Variants in DCAF13 observed in about 807,000 individuals in gnomAD.
DCAF13 encodes DDB1- and CUL4-associated factor 13.
A neutral mutation model predicts 59.0 loss-of-function variants in DCAF13; 38 were observed. The observed-to-expected ratio is 0.64, with a 90% CI of 0.50 to 0.84. DCAF13 has a LOEUF of 0.84. Ranked by LOEUF, DCAF13 falls within the 40% of genes least tolerant of loss-of-function variation. The probability of loss-of-function intolerance (pLI) is 0.00; values close to 1 mark genes in which losing one functional copy is unlikely to be tolerated. For synonymous variants in DCAF13, 173 were observed against 175.0 expected (o/e 0.99, Z 0.09); for missense variants, 469 against 558.4 (o/e 0.84, Z 1.61).
chr8:103,423,974 A>C (rs181097532), intron 3 of DCAF13, among the ~76,000 whole-genome samples: 36 of 151,902 alleles, frequency 2.4e-4, no homozygotes, highest in African/African-American at 8.2e-4. Context: ...TTGGGATTAC[A>C]GGCATGAGTC....
chr8:103,443,079 T>G lies in DCAF13; in HGVS notation c.*197T>G. 1 of 436,192 alleles carries G rather than the reference T, an allele frequency of 2.3e-6. No homozygotes were observed. Among genetic ancestry groups the G allele is most frequent in the South Asian group, 5.0e-5 (1 of 20,062 alleles). The allele number at this position is 436,192 out of a possible 1,614,324, so 27.0% of individuals were successfully genotyped here. On this transcript the variant is annotated 3_prime_UTR_variant, in exon 11 of 11. Transcript: ENST00000612750. ...TGGTAAGACTGTTTTATCCTTAATC[T>G]GCATTCTTCTTTCATTGTAGAATAC... is the stretch of plus-strand genomic sequence containing the variant.
At chr8:103,441,787 T>TC (rs1817014399) in intron 10 of DCAF13, 169 bp downstream of exon 10, 1 of 641,776 alleles carries the variant, frequency 1.6e-6, no homozygotes, top group Non-Finnish European at 2.5e-6. Flanking sequence ...TTTTCTTTTT[T>TC]TTTTTTTTGA....
intron 5 of DCAF13, chr8:103,428,155 T>C (rs1816818342): frequency 6.6e-6 from 1 of 152,178 alleles, no homozygotes; most frequent in South Asian, 2.1e-4. Flanking sequence ...TTGTATGATA[T>C]ACTGGAAAAT....
intron 10 of DCAF13, 172 bp from the exon 11 acceptor site, chr8:103,442,623 A>G (rs1308894148): frequency 2.1e-6 from 1 of 467,890 alleles, no homozygotes; most frequent in African/African-American, 2.0e-5. Context: ...AAGCAATTAA[A>G]TAAGTAAAGT....
At position 103,420,400 on chromosome 8, in the gene DCAF13, C is replaced by A. The variant is rs895239957; in HGVS notation, c.207C>A (p.Val69=). 2.3e-5 allele frequency: 37 copies of A among 1,613,970 alleles called. No homozygotes were observed. The highest frequency in any genetic ancestry group is 2.9e-5 in the Non-Finnish European group (34 of 1,180,024). ...LASLDGHRDG[V]NCLAKHPEKL... ...CGCTGGATGGTCACCGTGATGGAGT[C>A]AATTGCTTGGCAAAGCATCCAGAGA... is the stretch of plus-strand genomic sequence containing the variant. The change falls in exon 2 of 11, where the codon GTC becomes GTA. Residue 69 remains valine (V), a synonymous_variant. Coordinates refer to ENST00000612750, the MANE Select transcript of DCAF13 (RefSeq NM_015420.7).
chr8:103,435,995 C>T (rs1290539913), intron 8 of DCAF13, among the ~76,000 whole-genome samples: 1 of 152,136 alleles, frequency 6.6e-6, no homozygotes, highest in African/African-American at 2.4e-5. Flanking sequence ...CGAATCTGTT[C>T]AGCATGTTAC....
intron 3 of DCAF13, among the ~76,000 whole-genome samples, chr8:103,425,234 T>TA (rs1400111330): frequency 1.3e-5 from 2 of 152,230 alleles, no homozygotes; most frequent in Non-Finnish European, 2.9e-5. Flanking sequence ...TGTATGCAGT[T>TA]ATACAGTACC....
Position 103,434,561 on chromosome 8 carries a change from T to G in DCAF13, c.786-1065T>G, listed in dbSNP as rs55986900. On this transcript the variant is annotated intron_variant, in intron 7 of 10. Coordinates refer to ENST00000612750, the MANE Select transcript of DCAF13 (RefSeq NM_015420.7). ...TTGGTTAGGGTGGTGTCTGCCAGGT[T>G]TCTCCACTAAAGAGTTACTTTTTTT... 6.5e-3 allele frequency among the ~76,000 whole-genome samples: 985 copies of G among 152,200 alleles called. 7 individuals are homozygous for G. Among genetic ancestry groups the G allele is most frequent in the Non-Finnish European group, 0.011 (715 of 67,938 alleles).
rs147654325 is a variant in DCAF13 at position 103,421,864 on chromosome 8, C to T, written c.378+782C>T. 2.2e-3 allele frequency among the ~76,000 whole-genome samples: 342 copies of T among 152,320 alleles called. 5 individuals are homozygous for T. Among genetic ancestry groups the T allele is most frequent in the African/African-American group, 7.6e-3 (317 of 41,568 alleles). On this transcript the variant is annotated intron_variant, in intron 3 of 10. Transcript: ENST00000612750. Reference sequence around the variant, plus strand: ...GTCACATTTTGTTTATCCGTTCATTCATCAATGAGCATTTGATTTGTTTCC... The same window carrying T: ...GTCACATTTTGTTTATCCGTTCATTTATCAATGAGCATTTGATTTGTTTCC...
At position 103,426,138 on chromosome 8, in the gene DCAF13, T is replaced by C. The variant is rs200175003; in HGVS notation, c.461T>C (p.Leu154Ser). Residue 154 changes from leucine to serine, a missense_variant, in exon 4 of 11, where the codon TTA becomes TCA. This residue lies in a region of DCAF13 where 355 missense variants were observed against 399.1 expected (regional missense o/e 0.89). Coordinates refer to ENST00000612750, the MANE Select transcript of DCAF13 (RefSeq NM_015420.7). ...GAGGAAGAGCCATTACATACAATAT[T>C]AGGAAAGGTACAAAAGTAAATTGAC... The part of the protein sequence containing the change: ...GDEEEPLHTI[L>S]GKTVYTGIDH... 3 of 1,604,364 alleles carry C rather than the reference T, an allele frequency of 1.9e-6. No homozygotes were observed. The highest frequency in any genetic ancestry group is 1.1e-5 in the South Asian group (1 of 90,462).
chr8:103,429,939 A>G (rs1816839877), intron 5 of DCAF13: 1 of 152,198 alleles, frequency 6.6e-6, no homozygotes, highest in Non-Finnish European at 1.5e-5. Flanking sequence ...ATTTTATCCT[A>G]AGGAAATAAT....
At chr8:103,436,367 C>T (rs555808958) in intron 8 of DCAF13, among the ~76,000 whole-genome samples, 2 of 152,230 alleles carry the variant, frequency 1.3e-5, no homozygotes, top group Middle Eastern at 3.4e-3. Context: ...CAAGACCGTT[C>T]TCCCTCTATT....
intron 6 of DCAF13, among the ~76,000 whole-genome samples, chr8:103,431,409 A>C (rs1227639252): frequency 1.3e-5 from 2 of 152,244 alleles, no homozygotes; most frequent in African/African-American, 4.8e-5. Flanking sequence ...CGTAGTCCAC[A>C]TACAAAAGAA....
chr8:103,430,603 T>C lies in DCAF13; in HGVS notation c.625-9T>C. 1 of 1,608,650 alleles carries C rather than the reference T, an allele frequency of 6.2e-7. No homozygotes were observed. Among genetic ancestry groups the C allele is most frequent in the Non-Finnish European group, 8.5e-7 (1 of 1,176,342 alleles). On this transcript the variant is annotated splice_polypyrimidine_tract_variant and intron_variant, in intron 5 of 10. Transcript: ENST00000612750. ...GCTTTGAACTGGTGATTGTTATACTTGTTTTTAGACATTTCTCTTGGGAAG... is the reference window on the plus strand; with the variant it reads ...GCTTTGAACTGGTGATTGTTATACTCGTTTTTAGACATTTCTCTTGGGAAG...
intron 6 of DCAF13, among the ~76,000 whole-genome samples, chr8:103,431,889 A>G (rs1176560769): frequency 6.6e-6 from 1 of 152,124 alleles, no homozygotes; most frequent in Non-Finnish European, 1.5e-5. Context: ...AAGAAAATGT[A>G]GCCTGGCTTT....
chr8:103,420,869 G>A (rs1307498009), intron 2 of DCAF13, 106 bp from the exon 3 acceptor site: 1 of 809,716 alleles, frequency 1.2e-6, no homozygotes, highest in African/African-American at 1.7e-5. Context: ...AAGGATTTTG[G>A]TTTTAGCTGC....
Position 103,420,282 on chromosome 8 carries a change from C to T in DCAF13, c.89C>T (p.Pro30Leu), listed in dbSNP as rs373403840. 10 of 1,613,190 alleles carry T rather than the reference C, an allele frequency of 6.2e-6. No individual in the cohort carries two copies. The highest frequency in any genetic ancestry group is 5.0e-5 in the Admixed American group (3 of 59,850). The stretch of plus-strand genomic sequence containing the variant: ...ATTTCAGTTCCAAGAAACTATGATC[C>T]TGCTTTACATCCTTTTGAGGTCCCA... ...DLQRVPRNYD[P>L]ALHPFEVPRE... is the part of the protein sequence containing the mutation. Residue 30 changes from proline (P) to leucine (L), a missense_variant, in exon 2 of 11, where the codon CCT becomes CTT. Around this residue, in one of 3 missense-constraint regions of DCAF13, gnomAD observed 355 missense variants for 399.1 expected, o/e 0.89. Coordinates refer to ENST00000612750, the MANE Select transcript of DCAF13 (RefSeq NM_015420.7).
Position 103,421,077 on chromosome 8 carries a change from T to C in DCAF13, c.373T>C (p.Phe125Leu), listed in dbSNP as rs749435725. The C allele has an allele frequency of 2.3e-5, 36 of 1,593,528 alleles. No homozygotes were observed. The highest frequency in any genetic ancestry group is 3.0e-5 in the Non-Finnish European group (35 of 1,161,412). Residue 125 changes from phenylalanine (F) to leucine (L), a missense_variant, in exon 3 of 11, where the codon TTC becomes CTC. Transcript: ENST00000612750. ...TACTCGCTTTTGTGGGACTTCTTTT[T>C]TCACTGTAAGTATAATACCATTAAG... ...ICTRFCGTSF[F>L]TVGDDKTVKQ...
chr8:103,431,927 T>G (rs1816870475), intron 6 of DCAF13, among the ~76,000 whole-genome samples: 1 of 152,154 alleles, frequency 6.6e-6, no homozygotes, highest in African/African-American at 2.4e-5. Flanking sequence ...TGGTTCTAAT[T>G]TGCAACTCAT....
Sources: allele counts gnomAD v4.1 joint callset (sites outside exome capture counted in the v4.1 genomes callset), GRCh38; gene constraint gnomAD v4.1.1; regional missense constraint gnomAD v4.1.1; transcripts MANE v1.5; gene names NCBI Gene and HGNC (gene_info 2026-07-23, HGNC 2026-07-21).